The following MKX variants were observed in gnomAD, a reference collection of about 807,000 sequenced individuals.
MKX encodes the protein homeobox protein Mohawk.
Under a neutral mutation model 36.0 loss-of-function variants are expected in MKX, and 13 were observed. The observed-to-expected ratio is 0.36, with a 90% CI of 0.24 to 0.57. The LOEUF is 0.57. Among genes scored for constraint, MKX ranks in the 20% least tolerant of loss-of-function variants. The probability of loss-of-function intolerance (pLI) is 0.79; values close to 1 mark genes in which losing one functional copy is unlikely to be tolerated. For missense variants in MKX, 458 were observed against 456.4 expected (o/e 1.00, Z -0.03); for synonymous variants, 176 against 178.3 (o/e 0.99, Z 0.10).
intron 5 of MKX, among the ~76,000 whole-genome samples, chr10:27,700,158 G>T (rs1836625900): frequency 6.6e-6 from 1 of 152,124 alleles, no homozygotes; most frequent in Admixed American, 6.6e-5. Context: ...TTTACAAAGG[G>T]AGCAGTCTCC....
chr10:27,725,170 A>C (rs1409120099), intron 5 of MKX, among the ~76,000 whole-genome samples: 1 of 152,230 alleles, frequency 6.6e-6, no homozygotes, highest in Admixed American at 6.5e-5. Flanking sequence ...TATAGAGGTT[A>C]AAGCAATTTC....
chr10:27,681,597 T>C (rs1018982704), intron 5 of MKX, among the ~76,000 whole-genome samples: 13 of 152,110 alleles, frequency 8.5e-5, no homozygotes, highest in African/African-American at 3.1e-4. Context: ...TATTGTTATT[T>C]GAGAGTGTGC....
intron 5 of MKX, among the ~76,000 whole-genome samples, chr10:27,697,762 A>C (rs1346139599): frequency 3.9e-5 from 6 of 152,246 alleles, no homozygotes; most frequent in Admixed American, 3.9e-4. Flanking sequence ...ATTACAAAGA[A>C]GCTCACTTTG....
chr10:27,737,133 C>G (rs1834796207), intron 3 of MKX, among the ~76,000 whole-genome samples: 1 of 152,156 alleles, frequency 6.6e-6, no homozygotes, highest in South Asian at 2.1e-4. Flanking sequence ...TGAACATTAG[C>G]TGTGGAAGCA....
At chr10:27,722,807 T>C (rs1589685541) in intron 5 of MKX, among the ~76,000 whole-genome samples, 1 of 152,162 alleles carries the variant, frequency 6.6e-6, no homozygotes, top group African/African-American at 2.4e-5. Context: ...CTTTATGCTG[T>C]CATTTTAATG....
chr10:27,707,631 C>T (rs368595339), intron 5 of MKX, among the ~76,000 whole-genome samples: 11 of 152,208 alleles, frequency 7.2e-5, no homozygotes, highest in South Asian at 4.1e-4. Flanking sequence ...TGCCGCCCTG[C>T]GTCCACACTG....
At chr10:27,701,958 G>A (rs1836666494) in intron 5 of MKX, among the ~76,000 whole-genome samples, 1 of 151,840 alleles carries the variant, frequency 6.6e-6, no homozygotes, top group Non-Finnish European at 1.5e-5. Flanking sequence ...AGGTCAGTAA[G>A]CTAATCCACA....
At chr10:27,704,804 T>A (rs1231412944) in intron 5 of MKX, among the ~76,000 whole-genome samples, 2 of 152,190 alleles carry the variant, frequency 1.3e-5, no homozygotes, top group Admixed American at 1.3e-4. Flanking sequence ...GAGGAAGTTC[T>A]CGCTATCACT....
chr10:27,677,860 T>C (rs1325312093), intron 5 of MKX, among the ~76,000 whole-genome samples: 1 of 152,230 alleles, frequency 6.6e-6, no homozygotes, highest in African/African-American at 2.4e-5. Flanking sequence ...GGGGAAATAA[T>C]TGGATCTGTG....
At chr10:27,709,228 G>A (rs1426583778) in intron 5 of MKX, among the ~76,000 whole-genome samples, 1 of 151,966 alleles carries the variant, frequency 6.6e-6, no homozygotes, top group East Asian at 1.9e-4. Context: ...AAAAAATACA[G>A]TTTATAATAC....
chr10:27,714,578 A>G (rs557920233), intron 5 of MKX, among the ~76,000 whole-genome samples: 1 of 152,230 alleles, frequency 6.6e-6, no homozygotes, highest in South Asian at 2.1e-4. Context: ...TTTTCCAGTG[A>G]TTTCAGTTAT....
chr10:27,736,437 C>T (rs1439447737), intron 3 of MKX, among the ~76,000 whole-genome samples: 2 of 151,858 alleles, frequency 1.3e-5, no homozygotes, highest in Non-Finnish European at 2.9e-5. Flanking sequence ...TTCTAAAATA[C>T]CAGGTTATCA....
intron 5 of MKX, among the ~76,000 whole-genome samples, chr10:27,694,887 CTT>C (rs200916547): frequency 4.0e-4 from 55 of 137,472 alleles, no homozygotes; most frequent in Admixed American, 5.2e-4. Context: ...AACAAATTGC[CTT>C]TTTTTTTTTT....
Position 27,690,325 on chromosome 10 carries a change from G to C in MKX, c.839-14771C>G, listed in dbSNP as rs576179968. Among the ~76,000 whole-genome samples the C allele has an allele frequency of 7.9e-5, 12 of 152,154 alleles. No individual in the cohort carries two copies. The South Asian group carries it at 2.5e-3, about 32-fold the overall frequency. ...GCGGAGGTTGCAGTGAGCCGAGATG[G>C]CACCACTGCACTCCAGCCTGGGCGA... On this transcript the variant is annotated intron_variant, in intron 5 of 6. Coordinates refer to ENST00000419761, the MANE Select transcript of MKX (RefSeq NM_173576.3).
chr10:27,696,236 C>T (rs896084120), intron 5 of MKX, among the ~76,000 whole-genome samples: 2 of 152,160 alleles, frequency 1.3e-5, no homozygotes, highest in Non-Finnish European at 2.9e-5. Context: ...CTTAATCTCT[C>T]TGAGTCTTAT....
chr10:27,682,969 G>A (rs549234143), intron 5 of MKX, among the ~76,000 whole-genome samples: 13 of 149,448 alleles, frequency 8.7e-5, no homozygotes, highest in African/African-American at 3.0e-4. Context: ...GGGCAACAGA[G>A]CTAGACTCGG....
In MKX at chr10:27,741,236, T is replaced by C; in HGVS notation, c.348+109A>G. The C allele has an allele frequency of 9.2e-6, 13 of 1,406,746 alleles. No homozygotes were observed. The highest frequency in any genetic ancestry group is 1.2e-5 in the Non-Finnish European group (12 of 1,012,178). 87.1% of individuals were successfully genotyped at this position (1,406,746 alleles called of 1,614,324 possible). A position where few individuals can be genotyped will look rare whatever the true frequency, so the allele number is the denominator to read the frequency against. ...CAGAAACTCCCACAGCTCGGCTCCA[T>C]CCCTCTCCAGGTAGAAGCGCCACGT... On this transcript the variant is annotated intron_variant, in intron 3 of 6. Transcript: ENST00000419761. The surrounding 1 kb of genome is among the most constrained non-coding windows in gnomAD (Gnocchi z 5.1).
chr10:27,711,508 T>TC lies in MKX; in HGVS notation c.838+22947_838+22948insG, dbSNP rs1564357138. ...CTCTCTCTCTCTCTTCTTTCCTTCC[T>TC]TCCTTCCTTCCTTCCTTCCTTCCTT... On this transcript the variant is annotated intron_variant, in intron 5 of 6. Coordinates refer to ENST00000419761, the MANE Select transcript of MKX (RefSeq NM_173576.3). Among the ~76,000 whole-genome samples, 72 of 32,172 alleles carry TC rather than the reference T, an allele frequency of 2.2e-3. 2 individuals carry two copies. Among genetic ancestry groups the TC allele is most frequent in the African/African-American group, 4.1e-3 (71 of 17,420 alleles). The allele number at this position is 32,172 out of a possible 152,430, so 21.1% of individuals were successfully genotyped here.
At chr10:27,690,197 C>G (rs1172769898) in intron 5 of MKX, among the ~76,000 whole-genome samples, 1 of 152,066 alleles carries the variant, frequency 6.6e-6, no homozygotes, top group African/African-American at 2.4e-5. Context: ...ATGGTGAAAC[C>G]CCGTCTCTAC....
Sources: gnomAD v4.1 joint callset for allele counts (sites outside exome capture counted in the v4.1 genomes callset) on GRCh38, gnomAD v4.1.1 for gene constraint, Gnocchi (gnomAD v3.1) non-coding constraint, MANE v1.5 for transcripts, NCBI Gene and HGNC (gene_info 2026-07-23, HGNC 2026-07-21) for gene names.